Variants in DECR2 observed in about 807,000 individuals in gnomAD.
DECR2 encodes peroxisomal 2,4-dienoyl-CoA reductase [(3E)-enoyl-CoA-producing].
A neutral mutation model predicts 29.2 loss-of-function variants in DECR2; 34 were observed. The ratio of observed to expected loss-of-function variants is 1.16; its 90% CI spans 0.89 to 1.55. DECR2 has a LOEUF of 1.55. DECR2 is among the 40% of genes most tolerant of loss of function. The pLI is 0.00. For synonymous variants in DECR2, 224 were observed against 182.7 expected (o/e 1.23, Z -1.82); for missense variants, 485 against 425.3 (o/e 1.14, Z -1.23).
rs1308483286 is a variant in DECR2 at position 410,573 on chromosome 16, TC to T, written c.463-113del. On this transcript the variant is annotated intron_variant, in intron 5 of 8. Coordinates refer to ENST00000219481, the MANE Select transcript of DECR2 (RefSeq NM_020664.4). This position sits in a 1 kb window ranked among gnomAD's most constrained non-coding sequence, Gnocchi z 4.1. ...GGCCGCCCGCTCCCTGCCCTGGGCC[TC>T]CCCCTGACGGCCGCCCGCTCCCTGC... is the stretch of plus-strand genomic sequence containing the variant. The T allele has an allele frequency of 1.0e-5, 14 of 1,335,170 alleles. No individual in the cohort carries two copies. Among genetic ancestry groups the T allele is most frequent in the Admixed American group, 6.4e-5 (3 of 46,744 alleles). The allele number at this position is 1,335,170 out of a possible 1,614,324, so 82.7% of individuals were successfully genotyped here.
In DECR2 at chr16:411,066, C is replaced by T. The variant is rs2054812750; in HGVS notation, c.651C>T (p.Leu217=). ...APGPISGTEG[L]RRLGGPQASL... ...GCCCCATCAGTGGCACAGAGGGGCT[C>T]CGGCGACTGGGTAAGGCTCTCAGGG... Residue 217 remains leucine, a synonymous_variant, in exon 7 of 9, where the codon CTC becomes CTT. Coordinates refer to ENST00000219481, the MANE Select transcript of DECR2 (RefSeq NM_020664.4). 1 of 1,545,892 alleles carries T rather than the reference C, an allele frequency of 6.5e-7. No individual in the cohort carries two copies. Among genetic ancestry groups the T allele is most frequent in the Non-Finnish European group, 8.7e-7 (1 of 1,149,986 alleles).
Position 411,413 on chromosome 16 carries a change from G to C in DECR2, c.714G>C (p.Arg238Ser). 6.2e-7 allele frequency: 1 copy of C among 1,613,006 alleles called. No homozygotes were observed. Among genetic ancestry groups the C allele is most frequent in the Non-Finnish European group, 8.5e-7 (1 of 1,179,962 alleles). ...STKVTASPLQRLGNKTEIAHS... is the reference protein window; with the variant it reads ...STKVTASPLQSLGNKTEIAHS... ...AGGTCACTGCCAGCCCGCTGCAGAG[G>C]CTGGGGAACAAGACCGAGATCGCCC... The change falls in exon 8 of 9, where the codon AGG becomes AGC. Residue 238 changes from arginine to serine, a missense_variant. Physicochemically the swap from Arg to Ser is moderately radical, Grantham distance 110. Coordinates refer to ENST00000219481, the MANE Select transcript of DECR2 (RefSeq NM_020664.4).
intron 4 of DECR2, among the ~76,000 whole-genome samples, chr16:408,957 A>T (rs903493399): frequency 6.7e-6 from 1 of 149,988 alleles, no homozygotes; most frequent in Admixed American, 6.6e-5. Flanking sequence ...TCAGCCTCCC[A>T]AGTAGCTGGG....
intron 2 of DECR2, chr16:405,386 C>A: frequency 3.5e-6 from 2 of 573,896 alleles, no homozygotes; most frequent in Non-Finnish European, 5.5e-6. Context: ...CTGACAGTGG[C>A]TAGAGTTAGG....
In DECR2 at chr16:409,957, G is replaced by A. The variant is rs150498478; in HGVS notation, c.338-286G>A. 1.2e-4 allele frequency: 55 copies of A among 459,516 alleles called. 1 individual carries two copies. The highest frequency in any genetic ancestry group is 8.6e-4 in the African/African-American group (44 of 51,418). The allele number at this position is 459,516 out of a possible 1,614,324, so 28.5% of individuals were successfully genotyped here. On this transcript the variant is annotated intron_variant, in intron 4 of 8. Transcript: ENST00000219481. The stretch of plus-strand genomic sequence containing the variant: ...CTCACCCTAATTCGTTGTGACTTCA[G>A]TGTAATTCGATTATCTCTGCAACCC...
chr16:402,030 CCGGACCTGCTG>C lies in DECR2; in HGVS notation c.71_80+1del. 6.8e-7 allele frequency: 1 copy of C among 1,474,922 alleles called. No homozygotes were observed. Among genetic ancestry groups the C allele is most frequent in the East Asian group, 2.9e-5 (1 of 34,290 alleles). The allele number at this position is 1,474,922 out of a possible 1,614,324, so 91.4% of individuals were successfully genotyped here. On this transcript the variant is annotated frameshift_variant and splice_region_variant, in exon 1 of 9. Transcript: ENST00000219481. LOFTEE classifies it high-confidence loss of function. Reference sequence around the variant, plus strand: ...CCCCGCGTACCGCCACCTCTTCTGCCCGGACCTGCTGCGGTGAGCGGGGCCTGGGAAGCGAG... The same window carrying C: ...CCCCGCGTACCGCCACCTCTTCTGCCCGGTGAGCGGGGCCTGGGAAGCGAG...
chr16:411,481 C>CG lies in DECR2; in HGVS notation c.787dup (p.Ala263GlyfsTer29), dbSNP rs1235705644. 6 of 1,613,826 alleles carry CG rather than the reference C, an allele frequency of 3.7e-6. No homozygotes were observed. In the African/African-American group the frequency reaches 5.3e-5, roughly 14 times the overall value. Reference sequence around the variant, plus strand: ...GCCAGCCCTCTGGCTTCCTACGTGACGGGGGCCGTGCTGGTGGCCGATGGC... The same window carrying CG: ...GCCAGCCCTCTGGCTTCCTACGTGACGGGGGGCCGTGCTGGTGGCCGATGGC... On this transcript the variant is annotated frameshift_variant, in exon 8 of 9. Coordinates refer to ENST00000219481, the MANE Select transcript of DECR2 (RefSeq NM_020664.4). LOFTEE classifies it high-confidence loss of function.
chr16:411,357 C>G lies in DECR2; in HGVS notation c.662-4C>G. 6.2e-7 allele frequency: 1 copy of G among 1,603,420 alleles called. No homozygotes were observed. The highest frequency in any genetic ancestry group is 8.5e-7 in the Non-Finnish European group (1 of 1,178,066). ...CGGGGCCTGAGCCTTCTGCTGCCCT[C>G]CAGGTGGCCCTCAGGCCAGCCTGAG... On this transcript the variant is annotated splice_polypyrimidine_tract_variant and splice_region_variant and intron_variant, in intron 7 of 8. Coordinates refer to ENST00000219481, the MANE Select transcript of DECR2 (RefSeq NM_020664.4).
At chr16:404,246 T>C (rs2054699553) in intron 1 of DECR2, among the ~76,000 whole-genome samples, 1 of 151,940 alleles carries the variant, frequency 6.6e-6, no homozygotes, top group African/African-American at 2.4e-5. Context: ...TATTTATTTA[T>C]TTATTTTTTA....
At chr16:405,076 C>T in intron 2 of DECR2, 52 bp downstream of exon 2, 2 of 1,603,524 alleles carry the variant, frequency 1.2e-6, no homozygotes, top group Non-Finnish European at 1.7e-6. Flanking sequence ...CTGCCCGGGC[C>T]CTGCTGGATG....
chr16:404,597 C>G (rs533198747), intron 1 of DECR2, among the ~76,000 whole-genome samples: 1 of 151,736 alleles, frequency 6.6e-6, no homozygotes, highest in Non-Finnish European at 1.5e-5. Context: ...TTTAACAGGG[C>G]TCTTTTATTT....
chr16:401,993 G>T lies in DECR2; in HGVS notation c.30G>T (p.Gly10=). ...CCCAGCCGCCGCCCGACGTGGAGGG[G>T]GACGACTGTCTCCCCGCGTACCGCC... MAQPPPDVE[G]DDCLPAYRHL... The change falls in exon 1 of 9, where the codon GGG becomes GGT. Residue 10 remains glycine, a synonymous_variant. Transcript: ENST00000219481. 6.7e-7 allele frequency: 1 copy of T among 1,490,906 alleles called. No homozygotes were observed. Among genetic ancestry groups the T allele is most frequent in the East Asian group, 2.9e-5 (1 of 34,548 alleles). The allele number at this position is 1,490,906 out of a possible 1,614,324, so 92.4% of individuals were successfully genotyped here. A position where few individuals can be genotyped will look rare whatever the true frequency, so the allele number is the denominator to read the frequency against.
chr16:409,522 T>C (rs1424188057), intron 4 of DECR2: 2 of 152,114 alleles, frequency 1.3e-5, no homozygotes, highest in East Asian at 1.9e-4. Flanking sequence ...TAATAGTATA[T>C]GGAATTCCAT....
intron 4 of DECR2, 105 bp downstream of exon 4, chr16:407,665 G>C: frequency 6.5e-7 from 1 of 1,528,206 alleles, no homozygotes; most frequent in Non-Finnish European, 8.8e-7. Flanking sequence ...AGGGAACCTA[G>C]CTGCCTGTGC....
chr16:405,932 G>A (rs2054718891), intron 2 of DECR2, among the ~76,000 whole-genome samples: 1 of 152,208 alleles, frequency 6.6e-6, no homozygotes, highest in African/African-American at 2.4e-5. Context: ...AGAGGCCAAC[G>A]TGGTGGATTC....
In DECR2 at chr16:411,628, G is replaced by A. The variant is rs771812427; in HGVS notation, c.*50G>A. On this transcript the variant is annotated intron_variant, in intron 8 of 8. Coordinates refer to ENST00000219481, the MANE Select transcript of DECR2 (RefSeq NM_020664.4). ...GGGTCATCTGTGTCCTTGGACGCTG[G>A]TCACTGCATGGGCAGGTCTCTGCGG... The A allele has an allele frequency of 1.9e-6, 3 of 1,564,016 alleles. No homozygotes were observed. In the African/African-American group the frequency reaches 4.0e-5, roughly 21 times the overall value.
rs2054760830 is a variant in DECR2 at position 408,122 on chromosome 16, CG to C, written c.337+565del. On this transcript the variant is annotated intron_variant, in intron 4 of 8. Transcript: ENST00000219481. The stretch of plus-strand genomic sequence containing the variant: ...CCCCCTGTCTCCGGACCTCTGTCTC[CG>C]GGCCCCTGTCTCCGGGCCTCTGTCT... Among the ~76,000 whole-genome samples, 2 of 71,280 alleles carry C rather than the reference CG, an allele frequency of 2.8e-5. 1 individual carries two copies. The highest frequency in any genetic ancestry group is 1.1e-4 in the African/African-American group (2 of 18,946). The allele number at this position is 71,280 out of a possible 152,430, so 46.8% of individuals were successfully genotyped here.
chr16:406,466 G>C, intron 3 of DECR2, 69 bp downstream of exon 3: 1 of 1,553,500 alleles, frequency 6.4e-7, no homozygotes, highest in Non-Finnish European at 8.8e-7. Flanking sequence ...GCCTGGGCCA[G>C]GAGAGTCCAG....
At chr16:411,781 G>A in intron 8 of DECR2, 109 bp from the exon 9 acceptor site, 1 of 539,204 alleles carries the variant, frequency 1.9e-6, no homozygotes, top group Non-Finnish European at 3.1e-6. Flanking sequence ...TTCTGTAGCG[G>A]CCTCGGCCTC....
Sources: allele counts gnomAD v4.1 joint callset (sites outside exome capture counted in the v4.1 genomes callset), GRCh38; gene constraint gnomAD v4.1.1; non-coding constraint Gnocchi (gnomAD v3.1); transcripts MANE v1.5; gene names NCBI Gene and HGNC (gene_info 2026-07-23, HGNC 2026-07-21).